Variants in TRERF1 observed in about 807,000 individuals in gnomAD.
TRERF1 encodes transcriptional regulating factor 1.
Under a neutral mutation model 122.9 loss-of-function variants are expected in TRERF1, and 27 were observed. The ratio of observed to expected loss-of-function variants is 0.22; its 90% CI spans 0.16 to 0.30. The LOEUF is 0.30. Ranked by LOEUF, TRERF1 falls within the 10% of genes least tolerant of loss-of-function variation. TRERF1 has a pLI of 1.00. For missense variants in TRERF1, 1,248 were observed against 1,560.3 expected (o/e 0.80, Z 3.37); for synonymous variants, 636 against 641.7 (o/e 0.99, Z 0.13).
At chr6:42,233,622 T>C (rs77625432) in intron 16 of TRERF1, among the ~76,000 whole-genome samples, 6,381 of 152,062 alleles carry the variant, frequency 0.042, 459 homozygotes, top group African/African-American at 0.14. Context: ...CTCCTTCTTT[T>C]CCTCCCATTT....
intron 3 of TRERF1, among the ~76,000 whole-genome samples, chr6:42,303,747 T>C (rs1445138555): frequency 6.6e-6 from 1 of 151,818 alleles, no homozygotes; most frequent in East Asian, 1.9e-4. Flanking sequence ...AAACCCCATC[T>C]CTACAAAAAA....
rs1350804688 is a variant in TRERF1, at chr6:42,268,189, G to A, written c.1402C>T (p.His468Tyr). 6.1e-6 allele frequency: 9 copies of A among 1,466,350 alleles called. No homozygotes were observed. Among genetic ancestry groups the A allele is most frequent in the Non-Finnish European group, 8.1e-6 (9 of 1,108,032 alleles). 90.8% of individuals were successfully genotyped at this position (1,466,350 alleles called of 1,614,324 possible). ...ATGGCACTGGGAGACAGCTGCTGAT[G>A]CTGAGGCCCCATGTTGTTGAGGTGG... Residue 468 changes from histidine to tyrosine, a missense_variant, in exon 5 of 18, where the codon CAT becomes TAT. This residue lies in a region of TRERF1 where 946 missense variants were observed against 1,073.0 expected (regional missense o/e 0.88). Transcript: ENST00000372922. The surrounding 1 kb of genome is among the most constrained non-coding windows in gnomAD (Gnocchi z 4.4).
chr6:42,257,962 C>T (rs1472580421), intron 10 of TRERF1, among the ~76,000 whole-genome samples, 173 bp downstream of exon 10: 1 of 152,222 alleles, frequency 6.6e-6, no homozygotes, highest in Non-Finnish European at 1.5e-5. Context: ...TTGGCAAAGG[C>T]CTTGAAATAC....
At chr6:42,343,902 C>T (rs988425232) in intron 3 of TRERF1, among the ~76,000 whole-genome samples, 16 of 152,206 alleles carry the variant, frequency 1.1e-4, no homozygotes, top group African/African-American at 2.9e-4. Context: ...GACGGACTGA[C>T]GCATAACTGA....
At chr6:42,234,782 C>T (rs942867965) in intron 16 of TRERF1, among the ~76,000 whole-genome samples, 1 of 152,098 alleles carries the variant, frequency 6.6e-6, no homozygotes, top group Non-Finnish European at 1.5e-5. Context: ...ATATCTTTTC[C>T]CTTATGTACA....
chr6:42,295,947 T>A (rs1021825998), intron 4 of TRERF1, among the ~76,000 whole-genome samples: 1 of 152,200 alleles, frequency 6.6e-6, no homozygotes, highest in Non-Finnish European at 1.5e-5. Flanking sequence ...GCGTGAAAAG[T>A]GAAGTCTCAT....
At chr6:42,360,322 C>T (rs1417482092) in intron 3 of TRERF1, among the ~76,000 whole-genome samples, 2 of 152,166 alleles carry the variant, frequency 1.3e-5, no homozygotes, top group Non-Finnish European at 2.9e-5. Context: ...TCAGTGTTTA[C>T]TCTGGCTATT....
chr6:42,328,949 G>T (rs1262160408), intron 3 of TRERF1, among the ~76,000 whole-genome samples: 1 of 152,124 alleles, frequency 6.6e-6, no homozygotes, highest in Non-Finnish European at 1.5e-5. Context: ...ACTATGATAA[G>T]TGGGGAGGAA....
chr6:42,435,031 T>C (rs1038767016), intron 2 of TRERF1, among the ~76,000 whole-genome samples: 6 of 151,948 alleles, frequency 3.9e-5, no homozygotes, highest in Non-Finnish European at 7.4e-5. Flanking sequence ...TTCAGGAGGC[T>C]GAGGCAGGAG....
chr6:42,310,575 A>G (rs1788066206), intron 3 of TRERF1, among the ~76,000 whole-genome samples: 1 of 152,184 alleles, frequency 6.6e-6, no homozygotes, highest in Non-Finnish European at 1.5e-5. Context: ...TAATGGGTAG[A>G]GGCCACGGAT....
intron 5 of TRERF1, among the ~76,000 whole-genome samples, chr6:42,266,185 ATTCTTTTT>A (rs1779142818): frequency 7.4e-6 from 1 of 135,442 alleles, no homozygotes; most frequent in African/African-American, 2.7e-5. Flanking sequence ...CCCTGATGGA[ATTCTTTTT>A]TTTTTTTTTT....
chr6:42,314,068 G>C (rs1388366467), intron 3 of TRERF1, among the ~76,000 whole-genome samples: 2 of 151,948 alleles, frequency 1.3e-5, no homozygotes. Flanking sequence ...GTGCTTATCA[G>C]GCACGCCCCT....
intron 13 of TRERF1, among the ~76,000 whole-genome samples, chr6:42,246,929 T>C (rs1774908047): frequency 6.6e-6 from 1 of 152,248 alleles, no homozygotes; most frequent in African/African-American, 2.4e-5. Context: ...GTAATTATCA[T>C]ATTCACAAGT....
chr6:42,279,787 A>G (rs1387258726), intron 4 of TRERF1, among the ~76,000 whole-genome samples: 1 of 152,168 alleles, frequency 6.6e-6, no homozygotes, highest in African/African-American at 2.4e-5. Flanking sequence ...ACTCCCGAGC[A>G]GATCAGCTGT....
At chr6:42,436,694 ATGT>A (rs1785417224) in intron 2 of TRERF1, among the ~76,000 whole-genome samples, 1 of 151,088 alleles carries the variant, frequency 6.6e-6, no homozygotes, top group South Asian at 2.1e-4. Context: ...ATATATTAAA[ATGT>A]TAACAGGGAG....
intron 4 of TRERF1, among the ~76,000 whole-genome samples, chr6:42,272,075 A>G (rs1173274364): frequency 2.0e-5 from 3 of 152,238 alleles, no homozygotes; most frequent in Non-Finnish European, 4.4e-5. Flanking sequence ...GCTTAAAAAT[A>G]TCAATGTTTA....
intron 2 of TRERF1, among the ~76,000 whole-genome samples, chr6:42,408,133 C>T (rs1780455577): frequency 6.6e-6 from 1 of 150,890 alleles, no homozygotes; most frequent in South Asian, 2.1e-4. Context: ...CAGTTCTGTG[C>T]TTAACTTTGA....
intron 3 of TRERF1, among the ~76,000 whole-genome samples, chr6:42,311,543 T>A (rs995359203): frequency 6.6e-6 from 1 of 151,696 alleles, no homozygotes; most frequent in Admixed American, 6.6e-5. Flanking sequence ...GGTGGGTGGA[T>A]CACAAGGTCA....
intron 2 of TRERF1, among the ~76,000 whole-genome samples, chr6:42,445,663 C>T (rs1199755465): frequency 3.3e-5 from 5 of 152,108 alleles, no homozygotes; most frequent in Non-Finnish European, 4.4e-5. Context: ...CCACCATCTA[C>T]TCAACTGCAC....
Sources: gnomAD v4.1 joint callset for allele counts (sites outside exome capture counted in the v4.1 genomes callset) on GRCh38, gnomAD v4.1.1 for gene constraint, gnomAD v4.1.1 regional missense constraint, Gnocchi (gnomAD v3.1) non-coding constraint, MANE v1.5 for transcripts, NCBI Gene and HGNC (gene_info 2026-07-23, HGNC 2026-07-21) for gene names.